ANAPC5: variants seen among roughly 807,000 people sequenced by gnomAD.
ANAPC5 encodes anaphase-promoting complex subunit 5.
ANAPC5 carries 60 observed loss-of-function variants against 91.3 expected under a neutral mutation model. The observed-to-expected ratio is 0.66, with a 90% confidence interval of 0.53 to 0.81. The LOEUF (loss-of-function observed/expected upper bound fraction) is 0.81. ANAPC5 is among the 40% of genes least tolerant of loss of function. The pLI is 0.00. For synonymous variants in ANAPC5, 340 were observed against 364.1 expected (o/e 0.93, Z 0.75); for missense variants, 690 against 931.5 (o/e 0.74, Z 3.37).
intron 10 of ANAPC5, chr12:121,328,026 G>T: frequency 3.6e-6 from 1 of 274,340 alleles, no homozygotes; most frequent in Non-Finnish European, 6.9e-6. Context: ...CTGCGTTTGC[G>T]ATCGCGGGTA....
At chr12:121,341,259 C>A (rs950008890) in intron 5 of ANAPC5, among the ~76,000 whole-genome samples, 3 of 152,128 alleles carry the variant, frequency 2.0e-5, no homozygotes, top group African/African-American at 7.2e-5. Context: ...CACCTTAGAT[C>A]GAGAGTTCAA....
chr12:121,327,266 C>T (rs782220730), intron 10 of ANAPC5, 35 bp from the exon 11 acceptor site: 6 of 1,607,278 alleles, frequency 3.7e-6, no homozygotes, highest in Non-Finnish European at 5.1e-6. Flanking sequence ...TTCCTTTCAG[C>T]AGCAGACCTG....
At position 121,308,449 on chromosome 12, in the gene ANAPC5, T is replaced by G. The variant is rs1467692683; in HGVS notation, c.*31A>C. The G allele has an allele frequency of 6.2e-7, 1 of 1,600,262 alleles. No individual in the cohort carries two copies. Among genetic ancestry groups the G allele is most frequent in the Non-Finnish European group, 8.6e-7 (1 of 1,169,184 alleles). On this transcript the variant is annotated 3_prime_UTR_variant, in exon 17 of 17. Transcript: ENST00000261819. ...CATGAACAAGTCCAAAATCTTATAC[T>G]CTGCACAGCAGCCCAGCAGGGATGT...
At chr12:121,313,822 A>G (rs1193482841) in intron 15 of ANAPC5, among the ~76,000 whole-genome samples, 1 of 152,210 alleles carries the variant, frequency 6.6e-6, no homozygotes, top group Non-Finnish European at 1.5e-5. Flanking sequence ...AAACTTTAAA[A>G]CAATTAACAC....
chr12:121,330,579 T>C lies in ANAPC5; in HGVS notation c.1122+4A>G. The C allele has an allele frequency of 1.2e-6, 2 of 1,613,128 alleles. No homozygotes were observed. Among genetic ancestry groups the C allele is most frequent in the African/African-American group, 1.3e-5 (1 of 74,982 alleles). On this transcript the variant is annotated splice_donor_region_variant and intron_variant, in intron 9 of 16. Transcript: ENST00000261819. ...AAACAATCTCACAGAAAGATGAGCCTTACCGGTAACCCAAAATGTACTGCC... is the reference window on the plus strand; with the variant it reads ...AAACAATCTCACAGAAAGATGAGCCCTACCGGTAACCCAAAATGTACTGCC...
upstream of ANAPC5, among the ~76,000 whole-genome samples, chr12:121,352,783 C>G (rs1204635592): frequency 8.5e-6 from 1 of 117,998 alleles, no homozygotes; most frequent in African/African-American, 2.7e-5. Flanking sequence ...GTTACCAAGA[C>G]TGGAGGGCAG....
chr12:121,339,237 G>T (rs1279903180), intron 5 of ANAPC5, among the ~76,000 whole-genome samples: 3 of 151,786 alleles, frequency 2.0e-5, no homozygotes, highest in African/African-American at 7.3e-5. Flanking sequence ...TTTCAGTAGA[G>T]ACAGTGCTTC....
At chr12:121,348,615 A>C (rs184884471) in intron 1 of ANAPC5, among the ~76,000 whole-genome samples, 7 of 152,312 alleles carry the variant, frequency 4.6e-5, no homozygotes, top group Admixed American at 1.3e-4. Context: ...CAGTGAGCCA[A>C]GATCACGCCA....
In ANAPC5 at chr12:121,320,370, C is replaced by A. The variant is rs991606171; in HGVS notation, c.1515+15G>T. On this transcript the variant is annotated intron_variant, in intron 12 of 16. Transcript: ENST00000261819. ...TATCAGAAATAAATCTATTGCCATG[C>A]AAAAGGCAGATTACCTGGGCGTGCT... is the stretch of plus-strand genomic sequence containing the variant. 1.3e-5 allele frequency: 21 copies of A among 1,611,268 alleles called. No homozygotes were observed. Among genetic ancestry groups the A allele is most frequent in the Non-Finnish European group, 1.6e-5 (19 of 1,177,970 alleles).
Position 121,352,334 on chromosome 12 carries a change from T to C in ANAPC5, c.7A>G (p.Ser3Gly). MA[S>G]VHESLYFNPM... ...TTGAAGTAGAGGCTCTCGTGGACGC[T>C]GGCCATGGCGGCCCGAGACTAAGTC... Residue 3 changes from serine (S) to glycine (G), a missense_variant, in exon 1 of 17, where the codon AGC becomes GGC. This residue lies in a region of ANAPC5 where 238 missense variants were observed against 264.9 expected (regional missense o/e 0.90). Transcript: ENST00000261819. 6.2e-7 allele frequency: 1 copy of C among 1,600,414 alleles called. No homozygotes were observed. Among genetic ancestry groups the C allele is most frequent in the Non-Finnish European group, 8.5e-7 (1 of 1,170,086 alleles).
intron 15 of ANAPC5, among the ~76,000 whole-genome samples, chr12:121,311,348 T>C (rs1375566411): frequency 6.6e-6 from 1 of 151,960 alleles, no homozygotes; most frequent in Non-Finnish European, 1.5e-5. Context: ...AAAGCTGGAG[T>C]GCCTATATGA....
At chr12:121,325,923 T>C (rs538045118) in intron 11 of ANAPC5, among the ~76,000 whole-genome samples, 15 of 152,300 alleles carry the variant, frequency 9.8e-5, no homozygotes, top group African/African-American at 3.4e-4. Flanking sequence ...GATGCTTCTC[T>C]TATCCAAGGC....
intron 9 of ANAPC5, chr12:121,328,699 G>A (rs1394686969): frequency 2.2e-5 from 11 of 499,918 alleles, no homozygotes; most frequent in Non-Finnish European, 3.6e-6. Flanking sequence ...GAGAGGCAGA[G>A]GGTACACGGG....
intron 10 of ANAPC5, chr12:121,327,484 C>T (rs1219471739): frequency 2.0e-6 from 1 of 489,238 alleles, no homozygotes; most frequent in Non-Finnish European, 3.6e-6. Flanking sequence ...TCCCAGATCC[C>T]CCCGCCCCCA....
intron 1 of ANAPC5, chr12:121,350,991 T>G: frequency 2.5e-6 from 1 of 397,682 alleles, no homozygotes; most frequent in Non-Finnish European, 4.9e-6. Context: ...GTTTCTACTA[T>G]TGTTCCCATT....
chr12:121,331,311 G>A (rs540550162), intron 8 of ANAPC5, 36 bp downstream of exon 8: 29 of 1,550,154 alleles, frequency 1.9e-5, no homozygotes, highest in East Asian at 1.8e-4. Context: ...AATTCAACCC[G>A]TGAACAAAAC....
At chr12:121,326,638 T>C (rs1371089102) in intron 11 of ANAPC5, 1 of 152,544 alleles carries the variant, frequency 6.6e-6, no homozygotes, top group Non-Finnish European at 1.5e-5. Flanking sequence ...CCTCAGTCTT[T>C]AGTTCTGTGA....
intron 8 of ANAPC5, 49 bp downstream of exon 8, chr12:121,331,298 G>T: frequency 6.6e-7 from 1 of 1,505,136 alleles, no homozygotes; most frequent in Non-Finnish European, 9.2e-7. Flanking sequence ...CCTTGTGAAG[G>T]CCAATTCAAC....
chr12:121,338,574 G>A (rs558650215), intron 5 of ANAPC5, among the ~76,000 whole-genome samples: 72 of 152,172 alleles, frequency 4.7e-4, no homozygotes, highest in Admixed American at 3.3e-4. Flanking sequence ...GGGTGACAGG[G>A]CAAGACTCAG....
Sources: gnomAD v4.1 joint callset for allele counts (sites outside exome capture counted in the v4.1 genomes callset) on GRCh38, gnomAD v4.1.1 for gene constraint, gnomAD v4.1.1 regional missense constraint, MANE v1.5 for transcripts, NCBI Gene and HGNC (gene_info 2026-07-23, HGNC 2026-07-21) for gene names.